STAB2: variants seen among roughly 807,000 people sequenced by gnomAD.
The protein encoded by STAB2 is stabilin-2.
Under a neutral mutation model 338.1 loss-of-function variants are expected in STAB2, and 288 were observed. That is an observed-to-expected ratio of 0.85 (90% CI 0.77 to 0.94). STAB2 has a LOEUF of 0.94. STAB2 is among the 40% of genes least tolerant of loss of function. STAB2 has a pLI of 0.00. For synonymous variants in STAB2, 1,202 were observed against 1,193.3 expected, an observed-to-expected ratio of 1.01 and a Z score of -0.15; for missense variants, 3,141 against 3,210.1, an observed-to-expected ratio of 0.98 and a Z score of 0.52.
In STAB2 at chr12:103,695,533, G is replaced by A. The variant is rs200416105; in HGVS notation, c.3376-17G>A. ...TACCAAAACATGCTAACAGGATTCT[G>A]GGGTTTCTTTTTTCAGGTGCTGGTC... On this transcript the variant is annotated splice_polypyrimidine_tract_variant and intron_variant, in intron 31 of 68. Coordinates refer to ENST00000388887, the MANE Select transcript of STAB2 (RefSeq NM_017564.10). 4.1e-4 allele frequency: 664 copies of A among 1,613,662 alleles called. 1 individual carries two copies. The highest frequency in any genetic ancestry group is 5.1e-4 in the Non-Finnish European group (597 of 1,179,724).
intron 36 of STAB2, chr12:103,705,020 G>A (rs1879218554): frequency 6.1e-6 from 1 of 162,780 alleles, no homozygotes. Flanking sequence ...CAAAGAAACA[G>A]ATGGCAGGTA....
chr12:103,656,697 T>C (rs999436346), intron 15 of STAB2, among the ~76,000 whole-genome samples: 1 of 124,218 alleles, frequency 8.1e-6, no homozygotes, highest in African/African-American at 3.2e-5. Flanking sequence ...TTTTTTTTTT[T>C]GAGACGGAGT....
chr12:103,599,771 T>C (rs1018772616), intron 3 of STAB2, among the ~76,000 whole-genome samples: 1 of 152,192 alleles, frequency 6.6e-6, no homozygotes, highest in Non-Finnish European at 1.5e-5. Context: ...GGTGAGCTAG[T>C]ATGTGGAAAG....
At chr12:103,596,975 A>T (rs976160979) in intron 3 of STAB2, among the ~76,000 whole-genome samples, 1 of 148,992 alleles carries the variant, frequency 6.7e-6, no homozygotes, top group Non-Finnish European at 1.5e-5. Flanking sequence ...AAAAAAAAAA[A>T]AAAGAGTCCA....
In STAB2 at chr12:103,647,337, A is replaced by G. The variant is rs1258920021; in HGVS notation, c.1041-1353A>G. 2.0e-5 allele frequency among the ~76,000 whole-genome samples: 3 copies of G among 152,230 alleles called. No individual in the cohort carries two copies. In the East Asian group the frequency reaches 5.8e-4, roughly 29 times the overall value. ...ACACGTGGATTAACCATAAAAAAAA[A>G]AGAGTGCATAGTCTTTCTTTAGAAT... is the stretch of plus-strand genomic sequence containing the variant. On this transcript the variant is annotated intron_variant, in intron 9 of 68. Coordinates refer to ENST00000388887, the MANE Select transcript of STAB2 (RefSeq NM_017564.10).
rs1359390871 is a variant in STAB2 at position 103,674,035 on chromosome 12, G to A, written c.2500G>A (p.Val834Met). 8.7e-6 allele frequency: 14 copies of A among 1,614,004 alleles called. No individual in the cohort carries two copies. Among genetic ancestry groups the A allele is most frequent in the Non-Finnish European group, 1.1e-5 (13 of 1,179,958 alleles). Residue 834 changes from valine to methionine, a missense_variant, in exon 23 of 69, where the codon GTG becomes ATG. Physicochemically the swap from Val to Met is conservative, Grantham distance 21 (BLOSUM62 1). Coordinates refer to ENST00000388887, the MANE Select transcript of STAB2 (RefSeq NM_017564.10). ...GCAGACCTCAGCCTGTGGGCCCTAC[G>A]TGCAGTTCTGTCACATCCACGCCAC... ...DKQTSACGPYVQFCHIHATCE... is the reference protein window; with the variant it reads ...DKQTSACGPYMQFCHIHATCE...
At chr12:103,732,278 C>T (rs975631754) in intron 50 of STAB2, among the ~76,000 whole-genome samples, 4 of 152,152 alleles carry the variant, frequency 2.6e-5, no homozygotes, top group Non-Finnish European at 2.9e-5. Flanking sequence ...CACTGCACTC[C>T]AGCCGGGGTG....
intron 25 of STAB2, among the ~76,000 whole-genome samples, chr12:103,681,567 G>A (rs1393747918): frequency 1.4e-5 from 2 of 148,008 alleles, no homozygotes; most frequent in Non-Finnish European, 3.0e-5. Context: ...TTCACGTTCA[G>A]ATGTTGTTCT....
At chr12:103,717,695 G>A in intron 43 of STAB2, 75 bp from the exon 44 acceptor site, 4 of 1,293,168 alleles carry the variant, frequency 3.1e-6, no homozygotes, top group Non-Finnish European at 3.4e-6. Flanking sequence ...TGGAGTTCAG[G>A]TCTGAGAGCC....
chr12:103,731,746 A>T (rs1004671090), intron 50 of STAB2, 111 bp downstream of exon 50: 2 of 1,068,828 alleles, frequency 1.9e-6, no homozygotes, highest in African/African-American at 3.2e-5. Context: ...CTGTTGTGGG[A>T]TCTGCATGGG....
rs540232779 is a variant in STAB2, at chr12:103,634,479, G to A, written c.584-2632G>A. 3.0e-4 allele frequency among the ~76,000 whole-genome samples: 46 copies of A among 152,340 alleles called. 1 individual carries two copies. The highest frequency in any genetic ancestry group is 2.0e-3 in the Admixed American group (31 of 15,304). On this transcript the variant is annotated intron_variant, in intron 6 of 68. Coordinates refer to ENST00000388887, the MANE Select transcript of STAB2 (RefSeq NM_017564.10). Reference sequence around the variant, plus strand: ...TGTATCAAACTTTAAAGTTTGAGAAGTTGTGCAGTGTCCAACACACTCACA... The same window carrying A: ...TGTATCAAACTTTAAAGTTTGAGAAATTGTGCAGTGTCCAACACACTCACA...
intron 5 of STAB2, among the ~76,000 whole-genome samples, chr12:103,625,147 A>C (rs1265610260): frequency 6.6e-6 from 1 of 152,206 alleles, no homozygotes; most frequent in African/African-American, 2.4e-5. Context: ...TAAAGCATCC[A>C]GCGTTGCTTA....
At position 103,713,699 on chromosome 12, in the gene STAB2, A is replaced by G. The variant is rs1285798966; in HGVS notation, c.4468A>G (p.Arg1490Gly). The change falls in exon 42 of 69, where the codon AGA becomes GGA. Residue 1490 changes from arginine (R) to glycine (G), a missense_variant. Physicochemically the swap from Arg to Gly is moderately radical, Grantham distance 125. Coordinates refer to ENST00000388887, the MANE Select transcript of STAB2 (RefSeq NM_017564.10). Reference sequence around the variant, plus strand: ...TTGCTCTGCCAAGGCTGACTGTAAGAGAACCACCCCAGGAAGGCGAGTGTG... The same window carrying G: ...TTGCTCTGCCAAGGCTGACTGTAAGGGAACCACCCCAGGAAGGCGAGTGTG... ...GGCSAKADCK[R>G]TTPGRRVCTC... 2 of 1,614,152 alleles carry G rather than the reference A, an allele frequency of 1.2e-6. No homozygotes were observed. Among genetic ancestry groups the G allele is most frequent in the South Asian group, 2.2e-5 (2 of 91,086 alleles).
chr12:103,675,651 T>C (rs115887031), intron 23 of STAB2, among the ~76,000 whole-genome samples: 4 of 152,378 alleles, frequency 2.6e-5, no homozygotes, highest in African/African-American at 9.6e-5. Flanking sequence ...TGGGAGGTAT[T>C]AGGCCCATTT....
rs768141615 is a variant in STAB2 at position 103,669,642 on chromosome 12, C to T, written c.2259+15C>T. 24 of 1,608,230 alleles carry T rather than the reference C, an allele frequency of 1.5e-5. No homozygotes were observed. Among genetic ancestry groups the T allele is most frequent in the Middle Eastern group, 3.3e-4 (2 of 6,072 alleles). On this transcript the variant is annotated intron_variant, in intron 21 of 68. Transcript: ENST00000388887. Reference sequence around the variant, plus strand: ...GAAATGGACAGGTGAATACTGAAGACTGGCCTTCCATAAGTCAAATCAAAC... The same window carrying T: ...GAAATGGACAGGTGAATACTGAAGATTGGCCTTCCATAAGTCAAATCAAAC...
Position 103,760,982 on chromosome 12 carries a change from C to T in STAB2, c.7249-318C>T, listed in dbSNP as rs1004360455. Among the ~76,000 whole-genome samples, 11 of 120,920 alleles carry T rather than the reference C, an allele frequency of 9.1e-5. 1 individual carries two copies. The highest frequency in any genetic ancestry group is 5.2e-4 in the East Asian group (2 of 3,814). The allele number at this position is 120,920 out of a possible 152,430, so 79.3% of individuals were successfully genotyped here. A position where few individuals can be genotyped will look rare whatever the true frequency, so the allele number is the denominator to read the frequency against. On this transcript the variant is annotated intron_variant, in intron 65 of 68. Coordinates refer to ENST00000388887, the MANE Select transcript of STAB2 (RefSeq NM_017564.10). ...TGCGATGTTCAGTGCATGGACGCAG[C>T]GTCCACAGGCATGGGGTTTGCTACT...
intron 8 of STAB2, among the ~76,000 whole-genome samples, chr12:103,639,679 G>A (rs1342863351): frequency 6.8e-6 from 1 of 146,382 alleles, no homozygotes; most frequent in African/African-American, 2.5e-5. Flanking sequence ...ACTCTAGCCT[G>A]GGCAACCAGA....
intron 52 of STAB2, 42 bp from the exon 53 acceptor site, chr12:103,737,592 C>A: frequency 7.1e-7 from 1 of 1,404,616 alleles, no homozygotes; most frequent in East Asian, 2.5e-5. Flanking sequence ...CTCTCTCTCT[C>A]TCTCTCTCTT....
At chr12:103,735,454 A>G (rs1369118265) in intron 51 of STAB2, 37 bp from the exon 52 acceptor site, 1 of 1,525,858 alleles carries the variant, frequency 6.6e-7, no homozygotes, top group Non-Finnish European at 8.8e-7. Flanking sequence ...CTTCGGCCCA[A>G]ATTTGGGGCA....
Sources: gnomAD v4.1 joint callset for allele counts (sites outside exome capture counted in the v4.1 genomes callset) on GRCh38, gnomAD v4.1.1 for gene constraint, MANE v1.5 for transcripts, NCBI Gene and HGNC (gene_info 2026-07-23, HGNC 2026-07-21) for gene names.